The following SKOR2 variants were observed in gnomAD, a reference collection of about 807,000 sequenced individuals.
SKOR2 encodes the protein LBX1 corepressor 1-like protein.
SKOR2 carries 47 observed loss-of-function variants against 69.1 expected under a neutral mutation model. That is an observed-to-expected ratio of 0.68 (90% confidence interval 0.54 to 0.87). The LOEUF (loss-of-function observed/expected upper bound fraction) is 0.87, where lower values mean the gene tolerates loss of function less well. SKOR2 is among the 40% of genes least tolerant of loss of function. SKOR2 has a pLI of 0.00. For synonymous variants in SKOR2, 717 were observed against 672.6 expected (o/e 1.07, Z -1.02); for missense variants, 1,404 against 1,472.2 (o/e 0.95, Z 0.76).
At chr18:47,227,326 ATTTTTTTTT>A (rs778462203) in intron 6 of SKOR2, among the ~76,000 whole-genome samples, 5 of 91,132 alleles carry the variant, frequency 5.5e-5, no homozygotes, top group African/African-American at 2.2e-4. Flanking sequence ...CAAGAAGCCA[ATTTTTTTTT>A]TTTTTTTTTT....
At position 47,248,531 on chromosome 18, in the gene SKOR2, T is replaced by C; in HGVS notation, c.653A>G (p.Lys218Arg). ...GAAGACCAGCTCGTCCTGGGGACTC[T>C]TGTCGGTGAGCTTGAGATGACGGCG... ...SWRRHLKLTD[K>R]SPQDELVFAW... is the part of the protein sequence containing the mutation. Residue 218 changes from lysine to arginine, a missense_variant, in exon 2 of 9, where the codon AAG (lysine) becomes AGG (arginine). Transcript: ENST00000425639. The surrounding 1 kb of genome is among the most constrained non-coding windows in gnomAD (Gnocchi z 6.4). The C allele has an allele frequency of 6.5e-7, 1 of 1,537,188 alleles. No homozygotes were observed. Among genetic ancestry groups the C allele is most frequent in the Non-Finnish European group, 8.7e-7 (1 of 1,146,880 alleles).
At chr18:47,249,728 G>T (rs1349144240) in intron 1 of SKOR2, among the ~76,000 whole-genome samples, 2 of 152,148 alleles carry the variant, frequency 1.3e-5, no homozygotes, top group Non-Finnish European at 2.9e-5. Flanking sequence ...GATTTTCTTG[G>T]TGTCTATGGT....
At chr18:47,244,392 T>C (rs970872518) in intron 4 of SKOR2, among the ~76,000 whole-genome samples, 3 of 152,216 alleles carry the variant, frequency 2.0e-5, no homozygotes, top group Non-Finnish European at 2.9e-5. Flanking sequence ...GACAACTTAG[T>C]ATCAAAACTT....
At chr18:47,217,740 G>T (rs2064148425) in intron 7 of SKOR2, among the ~76,000 whole-genome samples, 1 of 151,576 alleles carries the variant, frequency 6.6e-6, no homozygotes, top group Non-Finnish European at 1.5e-5. Context: ...CACAAAAAGG[G>T]GAAGAAGCAG....
At chr18:47,211,311 T>C (rs979241720) in intron 8 of SKOR2, among the ~76,000 whole-genome samples, 19 of 152,124 alleles carry the variant, frequency 1.2e-4, no homozygotes, top group Non-Finnish European at 2.5e-4. Flanking sequence ...GCGTCTGTGG[T>C]TTTTTCCCCT....
chr18:47,239,293 T>C (rs1008784473), intron 4 of SKOR2, among the ~76,000 whole-genome samples: 10 of 151,910 alleles, frequency 6.6e-5, no homozygotes, highest in Admixed American at 4.6e-4. Flanking sequence ...AATTCTACAT[T>C]GAATGACTTC....
chr18:47,242,959 A>G (rs999447089), intron 4 of SKOR2, among the ~76,000 whole-genome samples: 3 of 152,352 alleles, frequency 2.0e-5, no homozygotes, highest in Non-Finnish European at 4.4e-5. Flanking sequence ...CCATTGCTAC[A>G]TGAAAGTTTT....
intron 5 of SKOR2, 21 bp downstream of exon 5, chr18:47,230,914 A>G: frequency 6.5e-7 from 1 of 1,533,492 alleles, no homozygotes; most frequent in Non-Finnish European, 8.7e-7. Context: ...GAAGTTCTAC[A>G]GAATTGAAAC....
intron 6 of SKOR2, among the ~76,000 whole-genome samples, chr18:47,229,622 C>G (rs943917695): frequency 6.6e-6 from 1 of 151,896 alleles, no homozygotes; most frequent in Non-Finnish European, 1.5e-5. Flanking sequence ...CCACTGCACT[C>G]CAGCCTGGGT....
rs907861435 is a variant in SKOR2, at chr18:47,229,628, T to C, written c.2917+831A>G. On this transcript the variant is annotated intron_variant, in intron 6 of 8. Transcript: ENST00000425639. ...GAGATTGTGCCACTGCACTCCAGCC[T>C]GGGTGACAGAGCAAGACTCCATCTC... Among the ~76,000 whole-genome samples, 6 of 152,156 alleles carry C rather than the reference T, an allele frequency of 3.9e-5. No individual in the cohort carries two copies. The South Asian group carries it at 1.2e-3, about 32-fold the overall frequency.
In SKOR2 at chr18:47,248,215, T is replaced by C. The variant is rs1395696156; in HGVS notation, c.969A>G (p.Val323=). Residue 323 remains valine, a synonymous_variant, in exon 2 of 9, where the codon GTA becomes GTG. Transcript: ENST00000425639. The surrounding 1 kb of genome is among the most constrained non-coding windows in gnomAD (Gnocchi z 6.4). The part of the protein sequence containing the change: ...DDDDSLQEAA[V]VAAASLSAAA... ...CGGCCGAGAGGCTGGCGGCGGCCAC[T>C]ACGGCGGCCTCCTGCAAGGAGTCGT... 2.4e-6 allele frequency: 3 copies of C among 1,230,036 alleles called. No individual in the cohort carries two copies. Among genetic ancestry groups the C allele is most frequent in the South Asian group, 3.8e-5 (1 of 26,422 alleles). The allele number at this position is 1,230,036 out of a possible 1,614,324, so 76.2% of individuals were successfully genotyped here.
rs1487241470 is a variant in SKOR2, at chr18:47,248,364, C to T, written c.820G>A (p.Gly274Arg). 4.1e-5 allele frequency: 52 copies of T among 1,281,502 alleles called. No homozygotes were observed. The highest frequency in any genetic ancestry group is 4.5e-5 in the Non-Finnish European group (46 of 1,023,324). 79.4% of individuals were successfully genotyped at this position (1,281,502 alleles called of 1,614,324 possible). A position where few individuals can be genotyped will look rare whatever the true frequency, so the allele number is the denominator to read the frequency against. ...VAAAAAVAGG[G>R]GLLGPHLLGA... ...AGCAGGTGGGGGCCCAGCAGACCCC[C>T]GCCTCCGGCCACCGCGGCCGCGGCG... Residue 274 changes from glycine (G) to arginine (R), a missense_variant, in exon 2 of 9, where the codon GGG becomes AGG. Coordinates refer to ENST00000425639, the MANE Select transcript of SKOR2 (RefSeq NM_001278063.4). This position sits in a 1 kb window ranked among gnomAD's most constrained non-coding sequence, Gnocchi z 6.4.
rs188093791 is a variant in SKOR2 at position 47,227,543 on chromosome 18, C to T, written c.2917+2916G>A. ...ACGAGGTTTCACCATGTTGGCCAGG[C>T]TGGTCTCAAACTCCTGACCTCAAGT... On this transcript the variant is annotated intron_variant, in intron 6 of 8. Transcript: ENST00000425639. Among the ~76,000 whole-genome samples the T allele has an allele frequency of 4.1e-4, 63 of 152,150 alleles. 1 individual carries two copies. Among genetic ancestry groups the T allele is most frequent in the Admixed American group, 2.0e-3 (30 of 15,282 alleles).
intron 1 of SKOR2, among the ~76,000 whole-genome samples, chr18:47,250,466 G>T (rs532353457): frequency 6.6e-6 from 1 of 152,364 alleles, no homozygotes; most frequent in African/African-American, 2.4e-5. Flanking sequence ...TCTTTCCACA[G>T]CTACATCTCA....
chr18:47,212,144 T>C lies in SKOR2; in HGVS notation c.2993A>G (p.Tyr998Cys). The C allele has an allele frequency of 8.1e-7, 1 of 1,231,946 alleles. No homozygotes were observed. Among genetic ancestry groups the C allele is most frequent in the African/African-American group, 1.6e-5 (1 of 64,496 alleles). 76.3% of individuals were successfully genotyped at this position (1,231,946 alleles called of 1,614,324 possible). A position where few individuals can be genotyped will look rare whatever the true frequency, so the allele number is the denominator to read the frequency against. The change falls in exon 8 of 9, where the codon TAT becomes TGT. Residue 998 changes from tyrosine to cysteine, a missense_variant. By Grantham distance (194) the Tyr-to-Cys change is radical. This residue lies in a region of SKOR2 where 1,266 missense variants were observed against 1,309.9 expected (regional missense o/e 0.97). Coordinates refer to ENST00000425639, the MANE Select transcript of SKOR2 (RefSeq NM_001278063.4). Reference sequence around the variant, plus strand: ...TTCTTTCCTGATCAAACTTGCTGCATAGGGGATCTGTAAGACAAAAACAAG... The same window carrying C: ...TTCTTTCCTGATCAAACTTGCTGCACAGGGGATCTGTAAGACAAAAACAAG... ...EMVQQLQIIP[Y>C]AASLIRKEKL... is the part of the protein sequence containing the mutation.
chr18:47,208,893 C>T (rs2064120163), intron 8 of SKOR2, among the ~76,000 whole-genome samples: 1 of 152,118 alleles, frequency 6.6e-6, no homozygotes, highest in Non-Finnish European at 1.5e-5. Context: ...AAATAAACTA[C>T]ACTTTAACAG....
rs570461621 is a variant in SKOR2 at position 47,244,802 on chromosome 18, T to C, written c.2752+106A>G. ...TCTTAGTTATATCTACTAGGAATTG[T>C]TTTTTATTTTTACCCTTGTACTAAA... On this transcript the variant is annotated intron_variant, in intron 4 of 8. Transcript: ENST00000425639. 11 of 1,057,816 alleles carry C rather than the reference T, an allele frequency of 1.0e-5. No homozygotes were observed. The South Asian group carries it at 1.4e-4, about 13-fold the overall frequency. The allele number at this position is 1,057,816 out of a possible 1,614,324, so 65.5% of individuals were successfully genotyped here.
chr18:47,213,788 A>C (rs1055133790), intron 7 of SKOR2, among the ~76,000 whole-genome samples: 1 of 152,192 alleles, frequency 6.6e-6, no homozygotes, highest in South Asian at 2.1e-4. Flanking sequence ...GATCAGCTAG[A>C]TAACTATGAC....
chr18:47,206,875 G>A lies in SKOR2; in HGVS notation c.*21C>T, dbSNP rs1383484216. On this transcript the variant is annotated 3_prime_UTR_variant, in exon 9 of 9. Coordinates refer to ENST00000425639, the MANE Select transcript of SKOR2 (RefSeq NM_001278063.4). The stretch of plus-strand genomic sequence containing the variant: ...GGCTGTATCTTACAAGAGAACAAGA[G>A]TAAGTAGTTCTGTGCACCTGGGATA... 3 of 152,186 alleles carry A rather than the reference G, an allele frequency of 2.0e-5. No individual in the cohort carries two copies. Among genetic ancestry groups the A allele is most frequent in the African/African-American group, 7.2e-5 (3 of 41,448 alleles). The allele number at this position is 152,186 out of a possible 1,614,324, so 9.4% of individuals were successfully genotyped here.
Sources: gnomAD v4.1 joint callset for allele counts (sites outside exome capture counted in the v4.1 genomes callset) on GRCh38, gnomAD v4.1.1 for gene constraint, gnomAD v4.1.1 regional missense constraint, Gnocchi (gnomAD v3.1) non-coding constraint, MANE v1.5 for transcripts, NCBI Gene and HGNC (gene_info 2026-07-23, HGNC 2026-07-21) for gene names.